The following PPP2R5E variants were observed in gnomAD, a reference collection of about 807,000 sequenced individuals.
PPP2R5E encodes protein phosphatase 2 regulatory subunit B'epsilon.
A neutral mutation model predicts 65.3 loss-of-function variants in PPP2R5E; 4 were observed. The ratio of observed to expected loss-of-function variants is 0.06; its 90% CI spans 0.03 to 0.14. The LOEUF is 0.14. Ranked by LOEUF, PPP2R5E falls within the 10% of genes least tolerant of loss-of-function variation. PPP2R5E has a pLI of 1.00. For missense variants in PPP2R5E, 274 were observed against 556.1 expected (o/e 0.49, Z 5.10); for synonymous variants, 183 against 187.4 (o/e 0.98, Z 0.19).
At chr14:63,497,989 A>T (rs985086209) in intron 2 of PPP2R5E, among the ~76,000 whole-genome samples, 1 of 152,202 alleles carries the variant, frequency 6.6e-6, no homozygotes, top group African/African-American at 2.4e-5. Flanking sequence ...AGAATAATAC[A>T]TTTGGTATGT....
At chr14:63,386,721 G>A (rs1045579532) in intron 11 of PPP2R5E, among the ~76,000 whole-genome samples, 4 of 151,958 alleles carry the variant, frequency 2.6e-5, no homozygotes, top group Non-Finnish European at 4.4e-5. Flanking sequence ...TCAGGAGTTC[G>A]AGACCAGTCT....
intron 2 of PPP2R5E, among the ~76,000 whole-genome samples, chr14:63,501,964 A>G (rs1891914019): frequency 6.6e-6 from 1 of 152,110 alleles, no homozygotes; most frequent in Admixed American, 6.6e-5. Flanking sequence ...GCGAGATCTC[A>G]GCTCACTGCA....
At chr14:63,509,888 A>G (rs746680350) in intron 2 of PPP2R5E, among the ~76,000 whole-genome samples, 5 of 152,202 alleles carry the variant, frequency 3.3e-5, no homozygotes, top group Non-Finnish European at 5.9e-5. Flanking sequence ...TCTGAGTATA[A>G]TAAGGTTTGG....
intron 2 of PPP2R5E, among the ~76,000 whole-genome samples, chr14:63,513,195 G>A (rs1012932862): frequency 1.3e-5 from 2 of 152,168 alleles, no homozygotes; most frequent in Non-Finnish European, 2.9e-5. Context: ...AATTCCTGAA[G>A]ATGGATACTG....
intron 2 of PPP2R5E, among the ~76,000 whole-genome samples, chr14:63,505,947 C>T (rs1277957323): frequency 6.6e-6 from 1 of 151,982 alleles, no homozygotes; most frequent in South Asian, 2.1e-4. Flanking sequence ...AAAATCACAA[C>T]GTTGTGTAAA....
intron 4 of PPP2R5E, among the ~76,000 whole-genome samples, chr14:63,421,744 G>C (rs553742218): frequency 3.9e-5 from 6 of 152,180 alleles, no homozygotes; most frequent in Non-Finnish European, 5.9e-5. Context: ...AGCTCTAATA[G>C]AGAAATAAGA....
intron 10 of PPP2R5E, 87 bp downstream of exon 10, chr14:63,391,730 T>G: frequency 7.0e-7 from 1 of 1,423,846 alleles, no homozygotes; most frequent in Non-Finnish European, 9.8e-7. Flanking sequence ...GCCCTGATGA[T>G]GCGGTTTTAT....
intron 5 of PPP2R5E, among the ~76,000 whole-genome samples, chr14:63,414,347 T>C (rs1239751197): frequency 6.6e-6 from 1 of 152,158 alleles, no homozygotes; most frequent in Admixed American, 6.5e-5. Flanking sequence ...AAATTAATGT[T>C]TTAAATTTGA....
chr14:63,392,905 T>C (rs959936529), intron 8 of PPP2R5E, among the ~76,000 whole-genome samples: 1 of 152,134 alleles, frequency 6.6e-6, no homozygotes, highest in Admixed American at 6.5e-5. Context: ...ATAACTTATC[T>C]ACCCCCAGTG....
intron 13 of PPP2R5E, among the ~76,000 whole-genome samples, chr14:63,377,754 A>C (rs2139729959): frequency 6.6e-6 from 1 of 152,364 alleles, no homozygotes; most frequent in African/African-American, 2.4e-5. Context: ...TAAGCAGACT[A>C]GTTTTCATAA....
intron 2 of PPP2R5E, among the ~76,000 whole-genome samples, chr14:63,468,987 G>A (rs1889977473): frequency 6.6e-6 from 1 of 152,170 alleles, no homozygotes; most frequent in South Asian, 2.1e-4. Flanking sequence ...TCCTAGAAGG[G>A]TTCAGACTAA....
chr14:63,391,234 G>GGT (rs1566668589), intron 10 of PPP2R5E, among the ~76,000 whole-genome samples: 1 of 152,074 alleles, frequency 6.6e-6, no homozygotes, highest in African/African-American at 2.4e-5. Context: ...AAAAAGACAG[G>GGT]GTTTAGGAGT....
Position 63,415,230 on chromosome 14 carries a change from A to G in PPP2R5E, c.459T>C (p.Leu153=). 8 of 1,590,718 alleles carry G rather than the reference A, an allele frequency of 5.0e-6. No individual in the cohort carries two copies. The highest frequency in any genetic ancestry group is 2.2e-5 in the South Asian group (2 of 90,056). The part of the protein sequence containing the change: ...TLEASWPHLQ[L]VYEFFIRFLE... Reference sequence around the variant, plus strand: ...AAAATCGTATGAAAAATTCATATACAAGCTGCAACAAACAGATTATAATTA... The same window carrying G: ...AAAATCGTATGAAAAATTCATATACGAGCTGCAACAAACAGATTATAATTA... The change falls in exon 5 of 14, where the codon CTT becomes CTC. Residue 153 remains leucine (L), a splice_region_variant and synonymous_variant. Transcript: ENST00000337537.
chr14:63,404,170 A>G (rs1034638147), intron 5 of PPP2R5E, among the ~76,000 whole-genome samples: 1 of 152,238 alleles, frequency 6.6e-6, no homozygotes, highest in African/African-American at 2.4e-5. Flanking sequence ...TTTTAAAAGT[A>G]GGCATTATCA....
chr14:63,440,416 C>CAA (rs74901952), intron 3 of PPP2R5E, among the ~76,000 whole-genome samples: 19 of 133,042 alleles, frequency 1.4e-4, no homozygotes, highest in Non-Finnish European at 6.7e-5. Context: ...TGTTCTTAAG[C>CAA]AAAAAAAAAA....
chr14:63,432,920 C>T (rs1887751594), intron 3 of PPP2R5E, among the ~76,000 whole-genome samples: 3 of 151,882 alleles, frequency 2.0e-5, no homozygotes, highest in South Asian at 2.1e-4. Flanking sequence ...CTAAATTAGA[C>T]CAAACTAAGT....
chr14:63,442,207 T>C (rs1023305687), intron 3 of PPP2R5E, among the ~76,000 whole-genome samples: 2 of 152,200 alleles, frequency 1.3e-5, no homozygotes, highest in African/African-American at 4.8e-5. Flanking sequence ...CCTTAAATTT[T>C]TTCCTTTGTA....
At chr14:63,465,043 A>G (rs905003216) in intron 2 of PPP2R5E, among the ~76,000 whole-genome samples, 1 of 145,350 alleles carries the variant, frequency 6.9e-6, no homozygotes, top group Non-Finnish European at 1.5e-5. Context: ...AAAAAAAAAA[A>G]AGACAAGAAA....
At chr14:63,525,436 T>A (rs1043927295) in intron 2 of PPP2R5E, among the ~76,000 whole-genome samples, 1 of 152,126 alleles carries the variant, frequency 6.6e-6, no homozygotes, top group African/African-American at 2.4e-5. Flanking sequence ...TCAAAAAGAA[T>A]CAAAAATCAG....
Sources: allele counts gnomAD v4.1 joint callset (sites outside exome capture counted in the v4.1 genomes callset), GRCh38; gene constraint gnomAD v4.1.1; transcripts MANE v1.5; gene names NCBI Gene and HGNC (gene_info 2026-07-23, HGNC 2026-07-21).